SEC61A2: variants seen among roughly 807,000 people sequenced by gnomAD.
SEC61A2 encodes the protein protein transport protein Sec61 subunit alpha isoform 2.
In SEC61A2, 28 loss-of-function variants were observed where a neutral mutation model predicts 59.9. The observed-to-expected ratio is 0.47, with a 90% confidence interval of 0.35 to 0.64. The LOEUF is 0.64. Among genes scored for constraint, SEC61A2 ranks in the 30% least tolerant of loss-of-function variants. The probability of loss-of-function intolerance (pLI) is 0.01; values close to 1 mark genes in which losing one functional copy is unlikely to be tolerated. For synonymous variants in SEC61A2, 202 were observed against 214.4 expected (o/e 0.94, Z 0.50); for missense variants, 340 against 585.9 (o/e 0.58, Z 4.33).
At position 12,158,320 on chromosome 10, in the gene SEC61A2, C is replaced by T. The variant is rs946661696; in HGVS notation, c.975+215C>T. 10 of 514,644 alleles carry T rather than the reference C, an allele frequency of 1.9e-5. No homozygotes were observed. The highest frequency in any genetic ancestry group is 7.3e-5 in the Admixed American group (2 of 27,548). 31.9% of individuals were successfully genotyped at this position (514,644 alleles called of 1,614,324 possible). A position where few individuals can be genotyped will look rare whatever the true frequency, so the allele number is the denominator to read the frequency against. ...TTTTATTATTTTGCTCTCTAGGAAG[C>T]ACTTTCACATCTCATTTGAATGACC... is the stretch of plus-strand genomic sequence containing the variant. On this transcript the variant is annotated intron_variant, in intron 9 of 11. Transcript: ENST00000298428. The surrounding 1 kb of genome is among the most constrained non-coding windows in gnomAD (Gnocchi z 5.7).
chr10:12,130,349 T>C (rs1272710920), intron 1 of SEC61A2, among the ~76,000 whole-genome samples: 1 of 152,126 alleles, frequency 6.6e-6, no homozygotes, highest in Non-Finnish European at 1.5e-5. Context: ...TATAGGAATG[T>C]TTTTCAGGGC....
At position 12,133,231 on chromosome 10, in the gene SEC61A2, CT is replaced by C; in HGVS notation, c.8-5del. 2 of 1,357,880 alleles carry C rather than the reference CT, an allele frequency of 1.5e-6. No homozygotes were observed. The highest frequency in any genetic ancestry group is 2.1e-6 in the Non-Finnish European group (2 of 963,462). The allele number at this position is 1,357,880 out of a possible 1,614,324, so 84.1% of individuals were successfully genotyped here. On this transcript the variant is annotated splice_polypyrimidine_tract_variant and intron_variant, in intron 1 of 11. Coordinates refer to ENST00000298428, the MANE Select transcript of SEC61A2 (RefSeq NM_018144.4). Reference sequence around the variant, plus strand: ...AATAATAGGAACATTTATTATTTTTCTTTTTACAGTCAAATTTTTAGAAGTT... The same window carrying C: ...AATAATAGGAACATTTATTATTTTTCTTTTACAGTCAAATTTTTAGAAGTT...
downstream of SEC61A2, chr10:12,169,394 G>A (rs1834798320): frequency 1.9e-6 from 2 of 1,065,970 alleles, no homozygotes; most frequent in Admixed American, 2.4e-5. The surrounding 1 kb of genome is among the most constrained non-coding windows in gnomAD (Gnocchi z 4.8). Context: ...CTCCTCAGAG[G>A]GAGGGGCTGT....
At chr10:12,169,865 C>T, downstream of SEC61A2, 1 of 385,672 alleles carries the variant, frequency 2.6e-6, no homozygotes, top group South Asian at 7.6e-5. The surrounding 1 kb of genome is among the most constrained non-coding windows in gnomAD (Gnocchi z 4.8). Context: ...AACAATGCTT[C>T]AAATCACATT....
intron 8 of SEC61A2, 80 bp downstream of exon 8, chr10:12,157,147 G>A: frequency 3.7e-6 from 5 of 1,361,622 alleles, no homozygotes; most frequent in Non-Finnish European, 5.1e-6. Context: ...CTGACATGCT[G>A]TTGTTTAACA....
chr10:12,158,086 A>G lies in SEC61A2; in HGVS notation c.956A>G (p.Asn319Ser). 1 of 1,613,214 alleles carries G rather than the reference A, an allele frequency of 6.2e-7. No homozygotes were observed. Residue 319 changes from asparagine to serine, a missense_variant, in exon 9 of 12, where the codon AAT (asparagine) becomes AGT (serine). Coordinates refer to ENST00000298428, the MANE Select transcript of SEC61A2 (RefSeq NM_018144.4). This position sits in a 1 kb window ranked among gnomAD's most constrained non-coding sequence, Gnocchi z 5.7. ...CGATTTAGTGGCAACTTTTTAGTAAATTTACTAGGACAGTGGGCCGTGAGT... is the reference window on the plus strand; with the variant it reads ...CGATTTAGTGGCAACTTTTTAGTAAGTTTACTAGGACAGTGGGCCGTGAGT... ...SVRFSGNFLV[N>S]LLGQWADVSG...
intron 1 of SEC61A2, among the ~76,000 whole-genome samples, chr10:12,130,277 C>T (rs1833701794): frequency 6.6e-6 from 1 of 152,062 alleles, no homozygotes. Context: ...TTAAACTGTT[C>T]ATTCTGTAGC....
chr10:12,138,024 GATAC>G (rs759573424), intron 3 of SEC61A2, among the ~76,000 whole-genome samples: 2 of 151,804 alleles, frequency 1.3e-5, no homozygotes, highest in African/African-American at 4.8e-5. Context: ...TAAATACATA[GATAC>G]ATACATACAT....
intron 11 of SEC61A2, among the ~76,000 whole-genome samples, chr10:12,163,428 G>A (rs193277921): frequency 9.4e-5 from 14 of 148,788 alleles, no homozygotes; most frequent in Admixed American, 2.7e-4. Flanking sequence ...GGGATCAAGC[G>A]ATTCTCCTGT....
At position 12,156,001 on chromosome 10, in the gene SEC61A2, G is replaced by T; in HGVS notation, c.616+70G>T. 3 of 1,533,814 alleles carry T rather than the reference G, an allele frequency of 2.0e-6. No individual in the cohort carries two copies. Among genetic ancestry groups the T allele is most frequent in the Non-Finnish European group, 2.7e-6 (3 of 1,110,408 alleles). Reference sequence around the variant, plus strand: ...GTGCTGGGAACAAACCCATCGTGTCGCAGTACATGCCTAGAGCCGTTCTGG... The same window carrying T: ...GTGCTGGGAACAAACCCATCGTGTCTCAGTACATGCCTAGAGCCGTTCTGG... On this transcript the variant is annotated intron_variant, in intron 7 of 11. Transcript: ENST00000298428. The surrounding 1 kb of genome is among the most constrained non-coding windows in gnomAD (Gnocchi z 5.2).
In SEC61A2 at chr10:12,164,263, C is replaced by T; in HGVS notation, c.1245-5C>T. On this transcript the variant is annotated splice_polypyrimidine_tract_variant and splice_region_variant and intron_variant, in intron 11 of 11. Coordinates refer to ENST00000298428, the MANE Select transcript of SEC61A2 (RefSeq NM_018144.4). The surrounding 1 kb of genome is among the most constrained non-coding windows in gnomAD (Gnocchi z 7.3). ...TGCCGCCTAACTTGGGGTTCTGTCT[C>T]CTAGGTACATCCCCACCGCAGCTGC... The T allele has an allele frequency of 6.2e-7, 1 of 1,612,542 alleles. No homozygotes were observed. Among genetic ancestry groups the T allele is most frequent in the Non-Finnish European group, 8.5e-7 (1 of 1,179,964 alleles).
At chr10:12,163,973 T>G (rs1834598672) in intron 11 of SEC61A2, among the ~76,000 whole-genome samples, 2 of 152,218 alleles carry the variant, frequency 1.3e-5, no homozygotes, top group Non-Finnish European at 2.9e-5. Flanking sequence ...TTTAAAAATC[T>G]TAAACATTTT....
rs1272395273 is a variant in SEC61A2 at position 12,149,716 on chromosome 10, A to G, written c.342A>G (p.Gly114=). The G allele has an allele frequency of 6.2e-7, 1 of 1,610,910 alleles. No homozygotes were observed. The highest frequency in any genetic ancestry group is 2.2e-5 in the East Asian group (1 of 44,864). ...CGAAAGATAGAGCTTTATTCAATGG[A>G]GCCCAGAAACGTGAGCATTAATGCA... is the stretch of plus-strand genomic sequence containing the variant. The part of the protein sequence containing the change: ...DTPKDRALFN[G]AQKLFGMIIT... Residue 114 remains glycine (G), a synonymous_variant, in exon 5 of 12, where the codon GGA becomes GGG. Coordinates refer to ENST00000298428, the MANE Select transcript of SEC61A2 (RefSeq NM_018144.4). The surrounding 1 kb of genome is among the most constrained non-coding windows in gnomAD (Gnocchi z 5.2).
intron 4 of SEC61A2, among the ~76,000 whole-genome samples, chr10:12,146,667 G>A (rs1001773228): frequency 7.9e-5 from 12 of 151,638 alleles, no homozygotes; most frequent in Non-Finnish European, 1.2e-4. Flanking sequence ...ACAGGTGCCC[G>A]CCACCACGCC....
chr10:12,157,197 T>TA, intron 8 of SEC61A2, 130 bp downstream of exon 8: 4 of 873,218 alleles, frequency 4.6e-6, no homozygotes, highest in South Asian at 1.8e-5. Context: ...ATTTTGCAAT[T>TA]AGAGTCTCCA....
Position 12,157,050 on chromosome 10 carries a change from G to A in SEC61A2, c.760G>A (p.Val254Ile), listed in dbSNP as rs1013232867. Residue 254 changes from valine to isoleucine, a missense_variant, in exon 8 of 12, where the codon GTT (valine) becomes ATT (isoleucine). Around this residue, in one of 3 missense-constraint regions of SEC61A2, gnomAD observed 283 missense variants for 483.2 expected, o/e 0.59. Coordinates refer to ENST00000298428, the MANE Select transcript of SEC61A2 (RefSeq NM_018144.4). ...CATTGCTACAGTTTTTGTGTTTGCTGTTGTTATATATTTCCAAGTAAGTAT... is the reference window on the plus strand; with the variant it reads ...CATTGCTACAGTTTTTGTGTTTGCTATTGTTATATATTTCCAAGTAAGTAT... ...NLIATVFVFA[V>I]VIYFQGFRVD... 1.2e-6 allele frequency: 2 copies of A among 1,613,784 alleles called. No individual in the cohort carries two copies. Among genetic ancestry groups the A allele is most frequent in the Non-Finnish European group, 1.7e-6 (2 of 1,179,958 alleles).
In SEC61A2 at chr10:12,143,223, T is replaced by G; in HGVS notation, c.220+28T>G. ...ATGCGTGTCTTTTCTGTCTCCACAC[T>G]CCTACTCACAGCAAACAGATGGAAA... On this transcript the variant is annotated intron_variant, in intron 4 of 11. Coordinates refer to ENST00000298428, the MANE Select transcript of SEC61A2 (RefSeq NM_018144.4). The surrounding 1 kb of genome is among the most constrained non-coding windows in gnomAD (Gnocchi z 4.8). 1 of 1,453,910 alleles carries G rather than the reference T, an allele frequency of 6.9e-7. No homozygotes were observed. The highest frequency in any genetic ancestry group is 9.7e-7 in the Non-Finnish European group (1 of 1,033,966). 90.1% of individuals were successfully genotyped at this position (1,453,910 alleles called of 1,614,324 possible).
At position 12,155,343 on chromosome 10, in the gene SEC61A2, G is replaced by T; in HGVS notation, c.463-435G>T. On this transcript the variant is annotated intron_variant, in intron 6 of 11. Transcript: ENST00000298428. The surrounding 1 kb of genome is among the most constrained non-coding windows in gnomAD (Gnocchi z 4.3). Reference sequence around the variant, plus strand: ...ACAGCCCTTAGACTTATCCTTTGATGGCAGTGTACATTTCCATCTTGCTAT... The same window carrying T: ...ACAGCCCTTAGACTTATCCTTTGATTGCAGTGTACATTTCCATCTTGCTAT... 1 of 1,583,854 alleles carries T rather than the reference G, an allele frequency of 6.3e-7. No homozygotes were observed. Among genetic ancestry groups the T allele is most frequent in the Non-Finnish European group, 8.6e-7 (1 of 1,167,382 alleles).
At chr10:12,138,040 C>T (rs1320795791) in intron 3 of SEC61A2, among the ~76,000 whole-genome samples, 1 of 151,978 alleles carries the variant, frequency 6.6e-6, no homozygotes, top group African/African-American at 2.4e-5. Context: ...TACATACATA[C>T]ATACCAGATA....
Sources: allele counts gnomAD v4.1 joint callset (sites outside exome capture counted in the v4.1 genomes callset), GRCh38; gene constraint gnomAD v4.1.1; regional missense constraint gnomAD v4.1.1; non-coding constraint Gnocchi (gnomAD v3.1); transcripts MANE v1.5; gene names NCBI Gene and HGNC (gene_info 2026-07-23, HGNC 2026-07-21).